CSGALNACT1: variants seen among roughly 807,000 people sequenced by gnomAD.
CSGALNACT1 encodes the protein beta4GalNAcT-1.
CSGALNACT1 carries 52 observed loss-of-function variants against 51.0 expected under a neutral mutation model. That is an observed-to-expected ratio of 1.02 (90% CI 0.82 to 1.29). CSGALNACT1 has a LOEUF of 1.29. Among genes scored for constraint, CSGALNACT1 ranks in the 50% most tolerant of loss-of-function variants. The pLI, the probability that CSGALNACT1 is intolerant of heterozygous loss-of-function variation, is 0.00. For synonymous variants in CSGALNACT1, 341 were observed against 254.4 expected (o/e 1.34, Z -3.24); for missense variants, 935 against 679.2 (o/e 1.38, Z -4.19).
chr8:19,447,025 T>A (rs1452095910), intron 5 of CSGALNACT1, among the ~76,000 whole-genome samples: 1 of 152,178 alleles, frequency 6.6e-6, no homozygotes, highest in Non-Finnish European at 1.5e-5. Context: ...TATTTCTGTT[T>A]CCCAAGAGCC....
chr8:19,742,897 C>T (rs78882155), intron 1 of CSGALNACT1, among the ~76,000 whole-genome samples: 25,644 of 152,166 alleles, frequency 0.17, 2,315 homozygotes, highest in Middle Eastern at 0.26. Context: ...CTGGCAACCA[C>T]GTGAACTCTG....
chr8:19,684,074 G>A (rs1260954609), upstream of CSGALNACT1, among the ~76,000 whole-genome samples: 2 of 152,128 alleles, frequency 1.3e-5, no homozygotes, highest in Non-Finnish European at 2.9e-5. Flanking sequence ...GCTGAAGCAG[G>A]AGAATCGTAT....
intron 6 of CSGALNACT1, among the ~76,000 whole-genome samples, chr8:19,424,135 C>T (rs966033322): frequency 6.6e-6 from 1 of 152,146 alleles, no homozygotes; most frequent in Non-Finnish European, 1.5e-5. Context: ...AAGCCCTGAC[C>T]ACTCACCAGG....
intron 1 of CSGALNACT1, among the ~76,000 whole-genome samples, chr8:19,639,565 A>G (rs2056503043): frequency 6.6e-6 from 1 of 152,198 alleles, no homozygotes; most frequent in Non-Finnish European, 1.5e-5. Flanking sequence ...CCATAGCAGG[A>G]CCAGGGAGGA....
chr8:19,469,687 G>A (rs2067640950), intron 4 of CSGALNACT1, among the ~76,000 whole-genome samples: 1 of 152,152 alleles, frequency 6.6e-6, no homozygotes, highest in Non-Finnish European at 1.5e-5. Context: ...TCTCCGCCCT[G>A]AAGCCACCTC....
At chr8:19,666,818 AGAGAGAGAGAGAG>A (rs2059251409) in intron 1 of CSGALNACT1, among the ~76,000 whole-genome samples, 1 of 59,272 alleles carries the variant, frequency 1.7e-5, no homozygotes, top group Non-Finnish European at 3.4e-5. Context: ...AAAGAGAGAG[AGAGAGAGAGAGAG>A]AGAAAGAAAG....
At position 19,667,004 on chromosome 8, in the gene CSGALNACT1, AAAG is replaced by A. The variant is rs2059369775; in HGVS notation, c.-544+15466_-544+15468del. Reference sequence around the variant, plus strand: ...GAAAGAAAGAAAGAAAGAAAGAAAGAAAGAAAGAAAGAAAGGAAGGAAGGAAGG... The same window carrying A: ...GAAAGAAAGAAAGAAAGAAAGAAAGAAAAGAAAGAAAGGAAGGAAGGAAGG... On this transcript the variant is annotated intron_variant, in intron 1 of 9. Coordinates refer to the CSGALNACT1 transcript ENST00000332246. 7.6e-4 allele frequency among the ~76,000 whole-genome samples: 19 copies of A among 25,084 alleles called. 1 individual carries two copies. The highest frequency in any genetic ancestry group is 2.9e-3 in the South Asian group (2 of 694). 16.5% of individuals were successfully genotyped at this position (25,084 alleles called of 152,430 possible).
At chr8:19,495,707 A>G (rs2153973880) in intron 4 of CSGALNACT1, among the ~76,000 whole-genome samples, 1 of 152,342 alleles carries the variant, frequency 6.6e-6, no homozygotes, top group East Asian at 1.9e-4. Context: ...AAGAAGCACA[A>G]GATTCGGAAG....
chr8:19,525,922 C>T (rs1587833795), intron 3 of CSGALNACT1, among the ~76,000 whole-genome samples: 1 of 152,118 alleles, frequency 6.6e-6, no homozygotes. Flanking sequence ...CCTATATAAC[C>T]GTAGTGCAAT....
intron 4 of CSGALNACT1, among the ~76,000 whole-genome samples, chr8:19,477,072 T>G (rs1010207867): frequency 6.6e-6 from 1 of 152,254 alleles, no homozygotes; most frequent in Non-Finnish European, 1.5e-5. Context: ...CTGGAACACA[T>G]GTAATTGATC....
At chr8:19,510,711 T>C (rs1419451201) in intron 3 of CSGALNACT1, among the ~76,000 whole-genome samples, 1 of 152,206 alleles carries the variant, frequency 6.6e-6, no homozygotes, top group Non-Finnish European at 1.5e-5. Context: ...TGGGAGGATC[T>C]GAAAAGTACA....
intron 5 of CSGALNACT1, among the ~76,000 whole-genome samples, chr8:19,454,278 G>C (rs1384935567): frequency 6.6e-6 from 1 of 152,238 alleles, no homozygotes; most frequent in Admixed American, 6.5e-5. Flanking sequence ...GCTATTGGAA[G>C]AGGACTGCTG....
chr8:19,718,894 C>G (rs2062959779), intron 1 of CSGALNACT1, among the ~76,000 whole-genome samples: 1 of 152,190 alleles, frequency 6.6e-6, no homozygotes, highest in South Asian at 2.1e-4. Context: ...CCCAAATTCC[C>G]CATCATGCTA....
chr8:19,650,932 G>A (rs1173417419), intron 1 of CSGALNACT1, among the ~76,000 whole-genome samples: 1 of 152,140 alleles, frequency 6.6e-6, no homozygotes, highest in African/African-American at 2.4e-5. Flanking sequence ...CAAAGTGCTG[G>A]AAAGAGGCAT....
At chr8:19,436,638 G>C (rs989969670) in intron 6 of CSGALNACT1, among the ~76,000 whole-genome samples, 1 of 152,136 alleles carries the variant, frequency 6.6e-6, no homozygotes, top group African/African-American at 2.4e-5. Context: ...TGGGTGTAGA[G>C]GATCACACCC....
intron 1 of CSGALNACT1, among the ~76,000 whole-genome samples, chr8:19,642,896 G>C (rs1328231320): frequency 6.6e-6 from 1 of 151,750 alleles, no homozygotes; most frequent in African/African-American, 2.4e-5. Context: ...AATCAAGTCA[G>C]ATTTTTCTCC....
intron 5 of CSGALNACT1, among the ~76,000 whole-genome samples, chr8:19,447,854 C>T (rs1342751327): frequency 1.3e-5 from 2 of 152,126 alleles, no homozygotes; most frequent in African/African-American, 2.4e-5. Flanking sequence ...GACAAAGCTA[C>T]AAAAAACGTG....
At chr8:19,755,456 C>CAAAAAGAAAAAAAAAA (rs2065299490) in intron 1 of CSGALNACT1, among the ~76,000 whole-genome samples, 2 of 74,532 alleles carry the variant, frequency 2.7e-5, no homozygotes, top group Admixed American at 2.0e-4. Flanking sequence ...TAAAGAAAGA[C>CAAAAAGAAAAAAAAAA]AAAAAAAAAA....
intron 1 of CSGALNACT1, among the ~76,000 whole-genome samples, chr8:19,733,014 T>C (rs924630759): frequency 6.6e-6 from 1 of 152,204 alleles, no homozygotes; most frequent in Admixed American, 6.5e-5. Flanking sequence ...CAAAGGATTA[T>C]ACTACTAACT....
Sources: allele counts gnomAD v4.1 joint callset (sites outside exome capture counted in the v4.1 genomes callset), GRCh38; gene constraint gnomAD v4.1.1; transcripts MANE v1.5; gene names NCBI Gene and HGNC (gene_info 2026-07-23, HGNC 2026-07-21).